PCED1B: variants seen among roughly 807,000 people sequenced by gnomAD.
PCED1B encodes PC-esterase domain containing 1B.
For synonymous variants in PCED1B, 251 were observed against 246.1 expected (o/e 1.02, Z -0.19); for missense variants, 573 against 573.9 (o/e 1.00, Z 0.02).
chr12:47,200,780 C>T (rs1261881001), intron 2 of PCED1B, among the ~76,000 whole-genome samples: 1 of 152,146 alleles, frequency 6.6e-6, no homozygotes, highest in African/African-American at 2.4e-5. Flanking sequence ...ACCAGTAACG[C>T]TAGGCCATGT....
chr12:47,236,121 T>C lies in PCED1B; in HGVS notation c.1058T>C (p.Phe353Ser). Reference sequence around the variant, plus strand: ...GACCATACTTTCCAGTCGGATCAATTCTATTGCCATTCAGATGTCCCCTCA... The same window carrying C: ...GACCATACTTTCCAGTCGGATCAATCCTATTGCCATTCAGATGTCCCCTCA... ...SSDHTFQSDQ[F>S]YCHSDVPSSA... is the part of the protein sequence containing the mutation. The change falls in exon 4 of 4, where the codon TTC becomes TCC. Residue 353 changes from phenylalanine to serine, a missense_variant. Physicochemically the swap from Phe to Ser is radical, Grantham distance 155. Coordinates refer to ENST00000546455, the MANE Select transcript of PCED1B (RefSeq NM_138371.3). 1.9e-6 allele frequency: 3 copies of C among 1,614,068 alleles called. No homozygotes were observed. Among genetic ancestry groups the C allele is most frequent in the Non-Finnish European group, 2.5e-6 (3 of 1,180,018 alleles).
intron 3 of PCED1B, among the ~76,000 whole-genome samples, chr12:47,233,136 G>T (rs1943861851): frequency 6.6e-6 from 1 of 152,052 alleles, no homozygotes; most frequent in Non-Finnish European, 1.5e-5. Flanking sequence ...GAACTCCTGA[G>T]CTCAAGTGAT....
chr12:47,174,388 T>TTA (rs1941854890), intron 2 of PCED1B, among the ~76,000 whole-genome samples: 1 of 147,878 alleles, frequency 6.8e-6, no homozygotes, highest in Non-Finnish European at 1.5e-5. Context: ...CAGCCTAGGC[T>TTA]ATAGAGTGAG....
chr12:47,097,486 T>C (rs1938529106), intron 1 of PCED1B, among the ~76,000 whole-genome samples: 2 of 152,236 alleles, frequency 1.3e-5, no homozygotes, highest in Admixed American at 6.5e-5. Flanking sequence ...TTTTAGTCCT[T>C]CTGCTTAGTT....
intron 3 of PCED1B, among the ~76,000 whole-genome samples, chr12:47,225,382 T>C (rs1681619701): frequency 6.6e-6 from 1 of 152,252 alleles, no homozygotes; most frequent in African/African-American, 2.4e-5. Flanking sequence ...GGATGTTAAC[T>C]GACTTGCCTC....
intron 2 of PCED1B, among the ~76,000 whole-genome samples, chr12:47,153,258 G>T (rs770966941): frequency 3.3e-5 from 5 of 149,698 alleles, no homozygotes; most frequent in Non-Finnish European, 4.4e-5. Context: ...GCTGAGGCAG[G>T]AGAATGGCAT....
In PCED1B at chr12:47,192,161, C is replaced by CTTTT. The variant is rs145687998; in HGVS notation, c.-525-24053_-525-24050dup. On this transcript the variant is annotated intron_variant, in intron 2 of 3. Transcript: ENST00000546455. ...AACTATTTCAAAAATGGAGGCTACGCTTTTTTTTTTTGTTTTTTTTTTTTT... is the reference window on the plus strand; with the variant it reads ...AACTATTTCAAAAATGGAGGCTACGCTTTTTTTTTTTTTTTGTTTTTTTTTTTTT... Among the ~76,000 whole-genome samples, 52 of 130,882 alleles carry CTTTT rather than the reference C, an allele frequency of 4.0e-4. 1 individual carries two copies. Among genetic ancestry groups the CTTTT allele is most frequent in the Middle Eastern group, 4.2e-3 (1 of 240 alleles). The allele number at this position is 130,882 out of a possible 152,430, so 85.9% of individuals were successfully genotyped here. A position where few individuals can be genotyped will look rare whatever the true frequency, so the allele number is the denominator to read the frequency against.
chr12:47,136,675 A>T (rs1039513398), intron 2 of PCED1B, among the ~76,000 whole-genome samples: 3 of 152,242 alleles, frequency 2.0e-5, no homozygotes, highest in Non-Finnish European at 4.4e-5. Flanking sequence ...TTCCATTTTA[A>T]TAATCTTAGC....
intron 2 of PCED1B, among the ~76,000 whole-genome samples, chr12:47,137,474 A>G (rs1223303954): frequency 6.6e-6 from 1 of 152,216 alleles, no homozygotes; most frequent in East Asian, 1.9e-4. Flanking sequence ...AGATGTTTCT[A>G]TCCTAATTTC....
At chr12:47,196,848 A>G (rs1226600663) in intron 2 of PCED1B, among the ~76,000 whole-genome samples, 1 of 152,022 alleles carries the variant, frequency 6.6e-6, no homozygotes, top group Non-Finnish European at 1.5e-5. Flanking sequence ...TATATAAAAA[A>G]TAAACTTTAT....
chr12:47,230,400 T>TA (rs1943769276), intron 3 of PCED1B, among the ~76,000 whole-genome samples: 1 of 151,622 alleles, frequency 6.6e-6, no homozygotes, highest in Admixed American at 6.6e-5. Flanking sequence ...ATCATTTTCT[T>TA]ACACTTATTC....
intron 2 of PCED1B, among the ~76,000 whole-genome samples, chr12:47,133,447 A>G (rs1319550567): frequency 6.6e-6 from 1 of 152,210 alleles, no homozygotes; most frequent in Non-Finnish European, 1.5e-5. Flanking sequence ...GTCAGCAATA[A>G]TGATTTCGGT....
In PCED1B at chr12:47,236,390, T is replaced by C; in HGVS notation, c.*28T>C. On this transcript the variant is annotated 3_prime_UTR_variant, in exon 4 of 4. Transcript: ENST00000546455. ...GGACCTAGGCCTTATTTCCTCTTTA[T>C]GAACATGGATTGGACAGATCTGACA... The C allele has an allele frequency of 6.6e-7, 1 of 1,505,778 alleles. No individual in the cohort carries two copies. Among genetic ancestry groups the C allele is most frequent in the Non-Finnish European group, 8.9e-7 (1 of 1,127,634 alleles). 93.3% of individuals were successfully genotyped at this position (1,505,778 alleles called of 1,614,324 possible).
At chr12:47,190,539 C>T (rs959297342) in intron 2 of PCED1B, among the ~76,000 whole-genome samples, 5 of 152,222 alleles carry the variant, frequency 3.3e-5, no homozygotes, top group Admixed American at 1.3e-4. Context: ...CAGTGGGAAA[C>T]CCTCTTTATA....
chr12:47,218,719 T>A (rs946715250), intron 3 of PCED1B, among the ~76,000 whole-genome samples: 1 of 149,644 alleles, frequency 6.7e-6, no homozygotes, highest in African/African-American at 2.5e-5. Flanking sequence ...TTGCCCAGGG[T>A]GGGCTTGAAC....
At chr12:47,130,901 A>C (rs998377898) in intron 2 of PCED1B, among the ~76,000 whole-genome samples, 12 of 152,134 alleles carry the variant, frequency 7.9e-5, no homozygotes, top group Non-Finnish European at 1.8e-4. Context: ...ATCAGAGTAA[A>C]AGTTATATTA....
At chr12:47,196,871 A>G (rs930846962) in intron 2 of PCED1B, among the ~76,000 whole-genome samples, 10 of 152,018 alleles carry the variant, frequency 6.6e-5, no homozygotes. Flanking sequence ...ATGAAAAAAT[A>G]TGAACATAAA....
At chr12:47,209,027 C>T (rs1172571180) in intron 2 of PCED1B, 1 of 152,134 alleles carries the variant, frequency 6.6e-6, no homozygotes, top group Non-Finnish European at 1.5e-5. Flanking sequence ...TTTACATCAC[C>T]CTTCTCTATG....
intron 2 of PCED1B, among the ~76,000 whole-genome samples, chr12:47,190,504 G>A (rs10748464): frequency 0.64 from 96,743 of 152,094 alleles, 30,968 homozygotes; most frequent in East Asian, 0.71. Flanking sequence ...GAGAAACACA[G>A]GGTTCTTTAT....
Sources: gnomAD v4.1 joint callset for allele counts (sites outside exome capture counted in the v4.1 genomes callset) on GRCh38, gnomAD v4.1.1 for gene constraint, MANE v1.5 for transcripts, NCBI Gene and HGNC (gene_info 2026-07-23, HGNC 2026-07-21) for gene names.